Variants in EEF1AKMT3 observed in about 807,000 individuals in gnomAD.
The protein encoded by EEF1AKMT3 is EEF1A lysine methyltransferase 3.
A neutral mutation model predicts 17.8 loss-of-function variants in EEF1AKMT3; 17 were observed. The ratio of observed to expected loss-of-function variants is 0.96; its 90% CI spans 0.65 to 1.43. The LOEUF is 1.43. Among genes scored for constraint, EEF1AKMT3 ranks in the 40% most tolerant of loss-of-function variants. The pLI is 0.00. For missense variants in EEF1AKMT3, 244 were observed against 285.8 expected (o/e 0.85, Z 1.06); for synonymous variants, 116 against 126.5 (o/e 0.92, Z 0.56).
Position 57,781,071 on chromosome 12 carries a change from T to G in EEF1AKMT3, c.*425T>G, listed in dbSNP as rs941427249. ...GGGATTTTTTTTTCTTTTTTTCTTT[T>G]TTTTTGAGACAGGGTCTCACTCTGT... On this transcript the variant is annotated 3_prime_UTR_variant, in exon 3 of 3. Transcript: ENST00000300209. The G allele has an allele frequency of 9.8e-6, 2 of 204,928 alleles. No individual in the cohort carries two copies. Among genetic ancestry groups the G allele is most frequent in the South Asian group, 7.7e-5 (1 of 12,944 alleles). 12.7% of individuals were successfully genotyped at this position (204,928 alleles called of 1,614,324 possible).
In EEF1AKMT3 at chr12:57,782,353, T is replaced by G; in HGVS notation, c.*1707T>G. On this transcript the variant is annotated 3_prime_UTR_variant, in exon 3 of 3. Coordinates refer to ENST00000300209, the MANE Select transcript of EEF1AKMT3 (RefSeq NM_015433.3). ...AACACAGTTCCTGGCACACAACAGG[T>G]GTTCAACAGATATTGTGCTCATTCA... 5.8e-6 allele frequency: 1 copy of G among 171,434 alleles called. No individual in the cohort carries two copies. The highest frequency in any genetic ancestry group is 1.3e-5 in the Non-Finnish European group (1 of 78,622). 10.6% of individuals were successfully genotyped at this position (171,434 alleles called of 1,614,324 possible). A position where few individuals can be genotyped will look rare whatever the true frequency, so the allele number is the denominator to read the frequency against.
At position 57,772,742 on chromosome 12, in the gene EEF1AKMT3, A is replaced by G. The variant is rs1955450133; in HGVS notation, c.18A>G (p.Pro6=). The change falls in exon 1 of 3, where the codon CCA becomes CCG. Residue 6 remains proline (P), a synonymous_variant. Transcript: ENST00000300209. This position sits in a 1 kb window ranked among gnomAD's most constrained non-coding sequence, Gnocchi z 4.1. ...CGGGCCGGATGGCGGACCCCGGCCC[A>G]GATCCCGAATCTGAGTCGGAATCGG... MADPG[P]DPESESESVF... The G allele has an allele frequency of 1.2e-6, 2 of 1,613,424 alleles. No homozygotes were observed. The highest frequency in any genetic ancestry group is 2.2e-5 in the South Asian group (2 of 91,046).
Position 57,780,495 on chromosome 12 carries a change from A to C in EEF1AKMT3, c.530A>C (p.Tyr177Ser). The C allele has an allele frequency of 1.2e-6, 2 of 1,614,188 alleles. No individual in the cohort carries two copies. The highest frequency in any genetic ancestry group is 2.2e-5 in the East Asian group (1 of 44,876). ...CTGTGCAGGCCCCATGGCACCATCTATCTGGCCTCCAAGATGAGAAAGGAG... is the reference window on the plus strand; with the variant it reads ...CTGTGCAGGCCCCATGGCACCATCTCTCTGGCCTCCAAGATGAGAAAGGAG... ...QHLCRPHGTI[Y>S]LASKMRKEHG... Residue 177 changes from tyrosine (Y) to serine (S), a missense_variant, in exon 3 of 3, where the codon TAT (tyrosine) becomes TCT (serine). Tyr to Ser is a moderately radical substitution (Grantham distance 144, BLOSUM62 -2). Coordinates refer to ENST00000300209, the MANE Select transcript of EEF1AKMT3 (RefSeq NM_015433.3).
In EEF1AKMT3 at chr12:57,772,999, C is replaced by A; in HGVS notation, c.178-18C>A. The A allele has an allele frequency of 1.9e-6, 3 of 1,614,114 alleles. No homozygotes were observed. Among genetic ancestry groups the A allele is most frequent in the Non-Finnish European group, 2.5e-6 (3 of 1,179,994 alleles). On this transcript the variant is annotated intron_variant, in intron 1 of 2. Coordinates refer to ENST00000300209, the MANE Select transcript of EEF1AKMT3 (RefSeq NM_015433.3). This position sits in a 1 kb window ranked among gnomAD's most constrained non-coding sequence, Gnocchi z 4.1. ...GCCATCCTCACGACTGTCTTTTTCT[C>A]TGTCTTTTCTCCCGTAGGCCCTGAG... is the stretch of plus-strand genomic sequence containing the variant.
chr12:57,777,747 C>T (rs1009460688), intron 2 of EEF1AKMT3, among the ~76,000 whole-genome samples: 1 of 152,156 alleles, frequency 6.6e-6, no homozygotes, highest in South Asian at 2.1e-4. Flanking sequence ...AAGCCGGACG[C>T]GGTGGCTTAC....
intron 2 of EEF1AKMT3, chr12:57,774,693 G>T (rs1441389354): frequency 6.2e-7 from 1 of 1,613,238 alleles, no homozygotes; most frequent in Non-Finnish European, 8.5e-7. Context: ...GGCGAGGTAT[G>T]CGTGGAGCCT....
At chr12:57,776,761 C>G (rs1955482631) in intron 2 of EEF1AKMT3, among the ~76,000 whole-genome samples, 1 of 152,104 alleles carries the variant, frequency 6.6e-6, no homozygotes, top group Non-Finnish European at 1.5e-5. Context: ...AGTGATTCTC[C>G]TGTCTCAGCC....
rs576075783 is a variant in EEF1AKMT3 at position 57,782,521 on chromosome 12, A to C, written c.*1875A>C. ...ATGAATATAAATGCGCATTGAAAAT[A>C]AACATAAAATGTTACCCACATTTCT... On this transcript the variant is annotated 3_prime_UTR_variant, in exon 3 of 3. Transcript: ENST00000300209. 5 of 458,164 alleles carry C rather than the reference A, an allele frequency of 1.1e-5. No homozygotes were observed. In the East Asian group the frequency reaches 1.8e-4, roughly 16 times the overall value. The allele number at this position is 458,164 out of a possible 1,614,324, so 28.4% of individuals were successfully genotyped here.
Position 57,782,420 on chromosome 12 carries a change from C to T in EEF1AKMT3, c.*1774C>T, listed in dbSNP as rs1684628527. 3 of 241,712 alleles carry T rather than the reference C, an allele frequency of 1.2e-5. No homozygotes were observed. In the South Asian group the frequency reaches 1.8e-4, roughly 15 times the overall value. 15.0% of individuals were successfully genotyped at this position (241,712 alleles called of 1,614,324 possible). A position where few individuals can be genotyped will look rare whatever the true frequency, so the allele number is the denominator to read the frequency against. On this transcript the variant is annotated 3_prime_UTR_variant, in exon 3 of 3. Transcript: ENST00000300209. ...TTTGTTTAATGGATTCCACCCCTGC[C>T]TTCCTAGGTGACCTTGGACAAATTC...
intron 2 of EEF1AKMT3, among the ~76,000 whole-genome samples, chr12:57,779,480 T>C (rs545131860): frequency 6.6e-6 from 1 of 152,228 alleles, no homozygotes; most frequent in South Asian, 2.1e-4. Flanking sequence ...ACTTCTTGCT[T>C]CTCTTTCTAT....
chr12:57,778,489 G>A (rs1046207807), intron 2 of EEF1AKMT3, among the ~76,000 whole-genome samples: 7 of 150,970 alleles, frequency 4.6e-5, no homozygotes, highest in South Asian at 4.2e-4. Context: ...TTATAGAGAC[G>A]AGGTTTTGCT....
rs1253979503 is a variant in EEF1AKMT3 at position 57,781,941 on chromosome 12, G to C, written c.*1295G>C. ...AAGCAAGAACAAGCTCCTCTGCTTG[G>C]TACTTAGTCTGTGTCCATGTGATCC... On this transcript the variant is annotated 3_prime_UTR_variant, in exon 3 of 3. Coordinates refer to ENST00000300209, the MANE Select transcript of EEF1AKMT3 (RefSeq NM_015433.3). 3 of 152,096 alleles carry C rather than the reference G, an allele frequency of 2.0e-5. No homozygotes were observed. The East Asian group carries it at 5.8e-4, about 29-fold the overall frequency. The allele number at this position is 152,096 out of a possible 1,614,324, so 9.4% of individuals were successfully genotyped here.
Position 57,778,794 on chromosome 12 carries a change from C to T in EEF1AKMT3, c.290-1461C>T, listed in dbSNP as rs140463058. Among the ~76,000 whole-genome samples the T allele has an allele frequency of 5.3e-5, 8 of 152,314 alleles. No individual in the cohort carries two copies. In the East Asian group the frequency reaches 1.5e-3, roughly 29 times the overall value. On this transcript the variant is annotated intron_variant, in intron 2 of 2. Coordinates refer to ENST00000300209, the MANE Select transcript of EEF1AKMT3 (RefSeq NM_015433.3). ...TCCTAACTGGTCTCCTAGCTTCTGACCTTGCCCTCCTGTACTCTTCTCATC... is the reference window on the plus strand; with the variant it reads ...TCCTAACTGGTCTCCTAGCTTCTGATCTTGCCCTCCTGTACTCTTCTCATC...
chr12:57,774,295 AC>A (rs1955466104), intron 2 of EEF1AKMT3, among the ~76,000 whole-genome samples: 1 of 152,214 alleles, frequency 6.6e-6, no homozygotes, highest in Non-Finnish European at 1.5e-5. Flanking sequence ...AGCCTGACCA[AC>A]ATGGTGAAAC....
chr12:57,778,896 G>T (rs990200776), intron 2 of EEF1AKMT3, among the ~76,000 whole-genome samples: 7 of 151,874 alleles, frequency 4.6e-5, no homozygotes, highest in Admixed American at 2.0e-4. Context: ...TCTTGCACTT[G>T]TTGCCCAGGT....
At chr12:57,774,729 C>T (rs149061035) in intron 2 of EEF1AKMT3, 1 of 1,612,384 alleles carries the variant, frequency 6.2e-7, no homozygotes, top group African/African-American at 1.3e-5. Context: ...CCATGTCTAC[C>T]ATGACTCCCT....
Position 57,774,620 on chromosome 12 carries a change from C to G in EEF1AKMT3, c.289+1492C>G, listed in dbSNP as rs370284413. On this transcript the variant is annotated intron_variant, in intron 2 of 2. Transcript: ENST00000300209. The stretch of plus-strand genomic sequence containing the variant: ...CAACAATAAATAAGACAGATTTTCT[C>G]TCCCCAAGGAGCTTATGGTCTAGTG... 294 of 1,249,628 alleles carry G rather than the reference C, an allele frequency of 2.4e-4. No homozygotes were observed. Among genetic ancestry groups the G allele is most frequent in the Non-Finnish European group, 3.1e-4 (265 of 857,416 alleles). 77.4% of individuals were successfully genotyped at this position (1,249,628 alleles called of 1,614,324 possible).
In EEF1AKMT3 at chr12:57,780,572, G is replaced by C; in HGVS notation, c.607G>C (p.Glu203Gln). ...CCTCCTGCCCCAGCATTTCCAACTG[G>C]AGCTGGCTCAGCGGGATGAGGATGA... ...QHLLPQHFQL[E>Q]LAQRDEDENV... The change falls in exon 3 of 3, where the codon GAG becomes CAG. Residue 203 changes from glutamate (E) to glutamine (Q), a missense_variant. Physicochemically the swap from Glu to Gln is conservative, Grantham distance 29 (BLOSUM62 2). Coordinates refer to ENST00000300209, the MANE Select transcript of EEF1AKMT3 (RefSeq NM_015433.3). The C allele has an allele frequency of 6.2e-7, 1 of 1,613,850 alleles. No individual in the cohort carries two copies. Among genetic ancestry groups the C allele is most frequent in the Middle Eastern group, 1.6e-4 (1 of 6,062 alleles).
intron 2 of EEF1AKMT3, among the ~76,000 whole-genome samples, chr12:57,774,939 C>G (rs11172331): frequency 6.6e-6 from 1 of 151,816 alleles, no homozygotes; most frequent in Non-Finnish European, 1.5e-5. Flanking sequence ...AACCCCATCT[C>G]TACTAAAAAT....
Sources: allele counts gnomAD v4.1 joint callset (sites outside exome capture counted in the v4.1 genomes callset), GRCh38; gene constraint gnomAD v4.1.1; non-coding constraint Gnocchi (gnomAD v3.1); transcripts MANE v1.5; gene names NCBI Gene and HGNC (gene_info 2026-07-23, HGNC 2026-07-21).